The following PCLO variants were observed in gnomAD, a reference collection of about 807,000 sequenced individuals.
The protein encoded by PCLO is protein piccolo.
In PCLO, 82 loss-of-function variants were observed where a neutral mutation model predicts 427.5. That is an observed-to-expected ratio of 0.19 (90% CI 0.16 to 0.23). PCLO has a LOEUF of 0.23. Ranked by LOEUF, PCLO falls within the 10% of genes least tolerant of loss-of-function variation. PCLO has a pLI of 1.00. For synonymous variants in PCLO, 2,357 were observed against 2,155.4 expected (o/e 1.09, Z -2.59); for missense variants, 6,239 against 6,115.9 (o/e 1.02, Z -0.67).
chr7:83,141,713 C>T (rs1330379315), intron 2 of PCLO, among the ~76,000 whole-genome samples: 4 of 152,092 alleles, frequency 2.6e-5, no homozygotes, highest in African/African-American at 9.7e-5. Context: ...AGTTCATTGG[C>T]TAAAGTCTTT....
intron 8 of PCLO, among the ~76,000 whole-genome samples, chr7:82,907,779 A>G (rs2116224556): frequency 6.6e-6 from 1 of 152,140 alleles, no homozygotes; most frequent in East Asian, 1.9e-4. Context: ...TAGCATATAG[A>G]AAAACAGAAC....
At chr7:83,086,881 T>C (rs1408281132) in intron 3 of PCLO, among the ~76,000 whole-genome samples, 1 of 151,976 alleles carries the variant, frequency 6.6e-6, no homozygotes, top group African/African-American at 2.4e-5. Context: ...TGGAATACTA[T>C]GCAGCCATAA....
chr7:83,079,993 T>A (rs529376182), intron 3 of PCLO, among the ~76,000 whole-genome samples: 1 of 152,158 alleles, frequency 6.6e-6, no homozygotes, highest in South Asian at 2.1e-4. Flanking sequence ...TGTTACTGAG[T>A]TAGTTTGCTA....
intron 20 of PCLO, chr7:82,820,505 T>G: frequency 8.2e-7 from 1 of 1,216,484 alleles, no homozygotes; most frequent in South Asian, 4.3e-5. Context: ...ATACTTTATT[T>G]ATTACACAGG....
Position 82,758,698 on chromosome 7 carries a change from A to T in PCLO, c.15306T>A (p.Asn5102Lys). ...AGGTCTTTTTCATAAACTTCCCTCC[A>T]TTGGAGAAAAGTAAAATCTAGAAAA... ...GHSLQILLFS[N>K]GGKFMKKTLI... Residue 5102 changes from asparagine (N) to lysine (K), a missense_variant, in exon 25 of 25, where the codon AAT (asparagine) becomes AAA (lysine). Transcript: ENST00000333891. 2 of 1,599,342 alleles carry T rather than the reference A, an allele frequency of 1.3e-6. No individual in the cohort carries two copies. The highest frequency in any genetic ancestry group is 1.7e-6 in the Non-Finnish European group (2 of 1,169,036).
chr7:82,985,640 C>CAT (rs1290851366), intron 3 of PCLO, among the ~76,000 whole-genome samples: 1 of 151,856 alleles, frequency 6.6e-6, no homozygotes, highest in African/African-American at 2.4e-5. Flanking sequence ...ATTGGCAATG[C>CAT]ATGTGGCATT....
At chr7:83,144,518 GA>G (rs1476404736) in intron 2 of PCLO, among the ~76,000 whole-genome samples, 1 of 152,006 alleles carries the variant, frequency 6.6e-6, no homozygotes, top group Non-Finnish European at 1.5e-5. Context: ...AGCTCTCTGT[GA>G]ATAGATGCTC....
chr7:82,903,204 T>C (rs1794100452), intron 8 of PCLO, among the ~76,000 whole-genome samples: 1 of 151,980 alleles, frequency 6.6e-6, no homozygotes, highest in Non-Finnish European at 1.5e-5. Context: ...ATCTCTGTCA[T>C]CATAATTAGG....
intron 3 of PCLO, among the ~76,000 whole-genome samples, chr7:83,028,651 T>G (rs966566082): frequency 6.7e-6 from 1 of 149,168 alleles, no homozygotes; most frequent in Non-Finnish European, 1.5e-5. Context: ...CATCGCCAAG[T>G]CAATCCTAAG....
Position 82,999,832 on chromosome 7 carries a change from TAA to T in PCLO, c.3301-33347_3301-33346del, listed in dbSNP as rs1399334643. ...ATATATAAAATATAATATATAATATTAAATATAAAATATAATATATAATATTA... is the reference window on the plus strand; with the variant it reads ...ATATATAAAATATAATATATAATATTATATAAAATATAATATATAATATTA... On this transcript the variant is annotated intron_variant, in intron 3 of 24. Transcript: ENST00000333891. Among the ~76,000 whole-genome samples, 4 of 99,850 alleles carry T rather than the reference TAA, an allele frequency of 4.0e-5. 1 individual carries two copies. Among genetic ancestry groups the T allele is most frequent in the Non-Finnish European group, 7.6e-5 (4 of 52,750 alleles). The allele number at this position is 99,850 out of a possible 152,430, so 65.5% of individuals were successfully genotyped here.
chr7:83,076,299 T>C (rs1789950601), intron 3 of PCLO, among the ~76,000 whole-genome samples: 1 of 152,114 alleles, frequency 6.6e-6, no homozygotes. Context: ...AGATGGACTT[T>C]TGCTCTGGTG....
At chr7:83,026,129 T>A (rs1447102949) in intron 3 of PCLO, among the ~76,000 whole-genome samples, 1 of 151,898 alleles carries the variant, frequency 6.6e-6, no homozygotes, top group Non-Finnish European at 1.5e-5. Flanking sequence ...GTAAATGGAC[T>A]AAATGCTCCA....
At chr7:82,797,723 T>C (rs756328967) in intron 22 of PCLO, among the ~76,000 whole-genome samples, 1 of 152,144 alleles carries the variant, frequency 6.6e-6, no homozygotes, top group Non-Finnish European at 1.5e-5. Flanking sequence ...TTAGTGGAGA[T>C]AGTCTGAAAA....
chr7:82,809,071 A>G (rs989815163), intron 20 of PCLO, among the ~76,000 whole-genome samples: 4 of 151,976 alleles, frequency 2.6e-5, no homozygotes, highest in Non-Finnish European at 5.9e-5. Flanking sequence ...TTCAAGAAAT[A>G]AAACATCAAT....
intron 3 of PCLO, among the ~76,000 whole-genome samples, chr7:83,094,499 G>T (rs1307895285): frequency 1.3e-5 from 2 of 152,178 alleles, no homozygotes; most frequent in African/African-American, 2.4e-5. Flanking sequence ...GAGCCACTGT[G>T]TCTGGCCTAG....
chr7:83,154,628 G>T, intron 2 of PCLO, 120 bp downstream of exon 2: 1 of 773,758 alleles, frequency 1.3e-6, no homozygotes, highest in African/African-American at 1.7e-5. Context: ...AACGAACGAA[G>T]GAGGGGAGAA....
intron 9 of PCLO, chr7:82,879,996 C>T (rs186059849): frequency 3.3e-4 from 103 of 311,008 alleles, no homozygotes; most frequent in African/African-American, 2.2e-3. Context: ...CTACAAGACA[C>T]GATAAAATTA....
chr7:83,136,509 C>A (rs1012435282), intron 2 of PCLO, among the ~76,000 whole-genome samples: 1 of 151,084 alleles, frequency 6.6e-6, no homozygotes, highest in Admixed American at 6.6e-5. Context: ...AAGCATTACT[C>A]CCCCCTCCCA....
rs764630900 is a variant in PCLO, at chr7:82,952,593, G to A, written c.8360C>T (p.Pro2787Leu). 29 of 1,613,828 alleles carry A rather than the reference G, an allele frequency of 1.8e-5. No homozygotes were observed. The Admixed American group carries it at 4.5e-4, about 25-fold the overall frequency. The part of the protein sequence containing the change: ...NLSVTSSIVT[P>L]VSLATETVTF... The stretch of plus-strand genomic sequence containing the variant: ...CACTGTCTCAGTGGCCAGAGATACA[G>A]GAGTCACTATTGATGATGTCACACT... Residue 2787 changes from proline to leucine, a missense_variant, in exon 5 of 25, where the codon CCT becomes CTT. Around this residue, in one of 5 missense-constraint regions of PCLO, gnomAD observed 4,677 missense variants for 4,468.4 expected, o/e 1.05. Transcript: ENST00000333891.
Sources: gnomAD v4.1 joint callset for allele counts (sites outside exome capture counted in the v4.1 genomes callset) on GRCh38, gnomAD v4.1.1 for gene constraint, gnomAD v4.1.1 regional missense constraint, MANE v1.5 for transcripts, NCBI Gene and HGNC (gene_info 2026-07-23, HGNC 2026-07-21) for gene names.